CRYBA4: variants seen among roughly 807,000 people sequenced by gnomAD.
CRYBA4 encodes crystallin beta A4, also known as beta-crystallin A4.
A neutral mutation model predicts 31.7 loss-of-function variants in CRYBA4; 30 were observed. That is an observed-to-expected ratio of 0.95 (90% confidence interval 0.71 to 1.28). CRYBA4 has a LOEUF of 1.28. Ranked by LOEUF, CRYBA4 falls within the 50% of genes most tolerant of loss-of-function variation. The pLI is 0.00. For missense variants in CRYBA4, 225 were observed against 260.7 expected (o/e 0.86, Z 0.94); for synonymous variants, 102 against 102.3 (o/e 1.00, Z 0.02).
chr22:26,610,486 T>C, the CRYBA4 span, among the ~76,000 whole-genome samples: 1 of 152,144 alleles, frequency 6.6e-6, no homozygotes, highest in Non-Finnish European at 1.5e-5. Context: ...ACTCTGGGTT[T>C]GAGTCACTGG....
intron 4 of CRYBA4, among the ~76,000 whole-genome samples, chr22:26,627,506 TTCTTTCTTTCTTTC>T (rs1929780322): frequency 7.6e-6 from 1 of 131,894 alleles, no homozygotes; most frequent in Non-Finnish European, 1.6e-5. Context: ...CTTTCTTTCT[TTCTTTCTTTCTTTC>T]TTTCTCTTTC....
intron 4 of CRYBA4, among the ~76,000 whole-genome samples, chr22:26,626,858 A>G (rs974776100): frequency 1.1e-4 from 16 of 152,154 alleles, no homozygotes; most frequent in African/African-American, 3.6e-4. Flanking sequence ...TATATATCTT[A>G]TCTATATTGC....
the CRYBA4 span, among the ~76,000 whole-genome samples, chr22:26,602,541 T>A: frequency 2.7e-5 from 4 of 150,776 alleles, no homozygotes; most frequent in South Asian, 8.4e-4. Context: ...CAGCGAGATA[T>A]GATTACACCA....
rs1302651843 is a variant in CRYBA4 at position 26,621,975 on chromosome 22, G to A, written c.-24G>A. 2.0e-6 allele frequency: 2 copies of A among 986,134 alleles called. No homozygotes were observed. Among genetic ancestry groups the A allele is most frequent in the African/African-American group, 3.5e-5 (2 of 57,170 alleles). 61.1% of individuals were successfully genotyped at this position (986,134 alleles called of 1,614,324 possible). ...TGGTCTCAGATCTGACATGTTCCCT[G>A]GGCCTATCTCGGTAAGTCCCAGGTT... On this transcript the variant is annotated 5_prime_UTR_variant, in exon 1 of 6. Coordinates refer to ENST00000354760, the MANE Select transcript of CRYBA4 (RefSeq NM_001886.3).
chr22:26,625,687 A>G (rs370185068), intron 4 of CRYBA4, 65 bp downstream of exon 4: 4 of 1,543,436 alleles, frequency 2.6e-6, no homozygotes, highest in East Asian at 4.5e-5. Flanking sequence ...TTCGGAATCA[A>G]AGGTTCCAGA....
intron 4 of CRYBA4, among the ~76,000 whole-genome samples, chr22:26,626,600 A>AT (rs1929711439): frequency 6.6e-6 from 1 of 152,142 alleles, no homozygotes; most frequent in Non-Finnish European, 1.5e-5. Context: ...AGTGTTTTGG[A>AT]TTTTGAATAT....
At chr22:26,612,187 C>T in the CRYBA4 span, 2 of 1,611,134 alleles carry the variant, frequency 1.2e-6, no homozygotes. Context: ...TCGAAGACCA[C>T]CAGCTGCAGG....
the CRYBA4 span, chr22:26,602,007 G>C: frequency 6.2e-7 from 1 of 1,613,776 alleles, no homozygotes; most frequent in Non-Finnish European, 8.5e-7. Flanking sequence ...GGGAGATTTT[G>C]TGCTCCTGGG....
chr22:26,627,590 CTCTT>C (rs200243305), intron 4 of CRYBA4, among the ~76,000 whole-genome samples: 16,736 of 108,844 alleles, frequency 0.15, 1,570 homozygotes, highest in East Asian at 0.39. Context: ...CTTTCTTTTT[CTCTT>C]TCTTTCTTTC....
the CRYBA4 span, among the ~76,000 whole-genome samples, chr22:26,600,016 G>T: frequency 2.6e-5 from 4 of 152,180 alleles, no homozygotes; most frequent in African/African-American, 9.7e-5. Context: ...GATGATGCAG[G>T]GCTCAGAGAA....
chr22:26,599,336 C>T, the CRYBA4 span: 1 of 682,548 alleles, frequency 1.5e-6, no homozygotes, highest in Non-Finnish European at 2.6e-6. Flanking sequence ...GAGGAAGTCA[C>T]ATCCCAGTAA....
At chr22:26,599,730 C>A in the CRYBA4 span, 1 of 1,399,864 alleles carries the variant, frequency 7.1e-7, no homozygotes, top group East Asian at 2.3e-5. Flanking sequence ...GCCTGGCACC[C>A]AGACCCCTGC....
At chr22:26,620,541 C>T (rs1321962392), upstream of CRYBA4, among the ~76,000 whole-genome samples, 1 of 144,868 alleles carries the variant, frequency 6.9e-6, no homozygotes, top group African/African-American at 2.5e-5. Context: ...AACCCTTCAT[C>T]AAAGTCATGC....
chr22:26,625,670 T>G (rs749084590), intron 4 of CRYBA4, 48 bp downstream of exon 4: 77 of 1,595,584 alleles, frequency 4.8e-5, no homozygotes, highest in Non-Finnish European at 6.2e-5. Flanking sequence ...GCCCCTCATG[T>G]GGGCACTTCG....
At chr22:26,605,936 CAGG>C in the CRYBA4 span, among the ~76,000 whole-genome samples, 4 of 152,266 alleles carry the variant, frequency 2.6e-5, no homozygotes, top group African/African-American at 9.6e-5. Context: ...CTGCGGCCTG[CAGG>C]CCACATGTGG....
the CRYBA4 span, among the ~76,000 whole-genome samples, chr22:26,604,556 A>C: frequency 6.6e-6 from 1 of 152,212 alleles, no homozygotes; most frequent in Non-Finnish European, 1.5e-5. Context: ...AAGAAGTGAC[A>C]CTAGAGAGGG....
the CRYBA4 span, among the ~76,000 whole-genome samples, chr22:26,591,466 C>CAAA: frequency 5.8e-4 from 65 of 112,296 alleles, 1 homozygote; most frequent in South Asian, 2.2e-3. Context: ...GACTCTGTCT[C>CAAA]AAAAAAAAAA....
rs1569211621 is a variant in CRYBA4, at chr22:26,627,370, T to C, written c.301-918T>C. ...CTCCCTCCCTCCCTCCTTTCTTTCT[T>C]TCTTTCTTTCTTTCTTTCTTTCTTT... is the stretch of plus-strand genomic sequence containing the variant. On this transcript the variant is annotated intron_variant, in intron 4 of 5. Transcript: ENST00000354760. 5.5e-4 allele frequency among the ~76,000 whole-genome samples: 27 copies of C among 49,516 alleles called. 1 individual carries two copies. The highest frequency in any genetic ancestry group is 3.6e-3 in the African/African-American group (25 of 6,884). 32.5% of individuals were successfully genotyped at this position (49,516 alleles called of 152,430 possible).
chr22:26,608,233 G>A, the CRYBA4 span, among the ~76,000 whole-genome samples: 99 of 152,064 alleles, frequency 6.5e-4, no homozygotes, highest in Middle Eastern at 3.4e-3. Context: ...CTGAGCCTTT[G>A]TTTCTCATCT....
Sources: gnomAD v4.1 joint callset for allele counts (sites outside exome capture counted in the v4.1 genomes callset) on GRCh38, gnomAD v4.1.1 for gene constraint, MANE v1.5 for transcripts, NCBI Gene and HGNC (gene_info 2026-07-23, HGNC 2026-07-21) for gene names.